The following CEACAM3 variants were observed in gnomAD, a reference collection of about 807,000 sequenced individuals.
The protein encoded by CEACAM3 is CEA cell adhesion molecule 3.
Under a neutral mutation model 30.1 loss-of-function variants are expected in CEACAM3, and 32 were observed. That is an observed-to-expected ratio of 1.06 (90% CI 0.80 to 1.43). The LOEUF (loss-of-function observed/expected upper bound fraction) is 1.43, where lower values mean the gene tolerates loss of function less well. Among genes scored for constraint, CEACAM3 ranks in the 40% most tolerant of loss-of-function variants. The pLI is 0.00. For missense variants in CEACAM3, 290 were observed against 316.3 expected, an observed-to-expected ratio of 0.92 and a Z score of 0.63; for synonymous variants, 134 against 127.2, an observed-to-expected ratio of 1.05 and a Z score of -0.36.
At chr19:41,803,418 G>T (rs2073167951) in intron 2 of CEACAM3, among the ~76,000 whole-genome samples, 1 of 136,700 alleles carries the variant, frequency 7.3e-6, no homozygotes, top group Non-Finnish European at 1.6e-5. Flanking sequence ...GCAAAGTTTT[G>T]TGTGTGTATG....
chr19:41,807,230 G>T (rs782724816), intron 2 of CEACAM3: 6 of 1,609,394 alleles, frequency 3.7e-6, no homozygotes, highest in Non-Finnish European at 5.1e-6. Context: ...GTGGGTAAAT[G>T]GTCAGAGCCT....
At chr19:41,797,528 G>T in intron 1 of CEACAM3, 61 bp from the exon 2 acceptor site, 1 of 1,561,234 alleles carries the variant, frequency 6.4e-7, no homozygotes, top group Non-Finnish European at 8.7e-7. Flanking sequence ...AGGACCCAGG[G>T]CCCCATCTTT....
chr19:41,800,680 G>A (rs965179043), intron 2 of CEACAM3, among the ~76,000 whole-genome samples: 3 of 152,058 alleles, frequency 2.0e-5, no homozygotes, highest in Non-Finnish European at 2.9e-5. Context: ...CTTTCTCTTT[G>A]TCTCCTCTCT....
At chr19:41,799,005 C>A (rs1299755904) in intron 2 of CEACAM3, among the ~76,000 whole-genome samples, 2 of 152,248 alleles carry the variant, frequency 1.3e-5, no homozygotes, top group Non-Finnish European at 2.9e-5. Context: ...TAGACATCTG[C>A]AGGCCTGAGA....
chr19:41,807,295 C>A, intron 2 of CEACAM3: 1 of 1,608,524 alleles, frequency 6.2e-7, no homozygotes, highest in South Asian at 1.1e-5. Flanking sequence ...TCACTCTACT[C>A]AGTGTCACAA....
intron 1 of CEACAM3, 53 bp downstream of exon 1, chr19:41,796,794 T>G: frequency 6.4e-7 from 1 of 1,557,580 alleles, no homozygotes; most frequent in Non-Finnish European, 8.7e-7. Flanking sequence ...AGAGAATGGC[T>G]GGGGTCTCCT....
intron 3 of CEACAM3, 85 bp downstream of exon 3, chr19:41,809,015 C>G: frequency 1.0e-6 from 1 of 978,632 alleles, no homozygotes; most frequent in Non-Finnish European, 1.5e-6. Flanking sequence ...GTATTCAGGG[C>G]CAGGCTCTCC....
intron 3 of CEACAM3, 37 bp from the exon 4 acceptor site, chr19:41,809,928 A>C: frequency 6.2e-7 from 1 of 1,611,832 alleles, no homozygotes; most frequent in Non-Finnish European, 8.5e-7. Context: ...GTGGCTTTTA[A>C]CCTGGCACCC....
chr19:41,811,035 G>A, intron 6 of CEACAM3, 137 bp from the exon 7 acceptor site: 2 of 1,254,138 alleles, frequency 1.6e-6, no homozygotes, highest in Non-Finnish European at 2.3e-6. Flanking sequence ...GAGGAGGGAG[G>A]GGCTTGGGAG....
In CEACAM3 at chr19:41,811,458, A is replaced by T; in HGVS notation, c.*221A>T. On this transcript the variant is annotated 3_prime_UTR_variant, in exon 7 of 7. Transcript: ENST00000357396. ...TGGGTCAGGACAAAGGCCTCTCATC[A>T]CCGCAGAAAGCGGGGGCTTGCAGGG... The T allele has an allele frequency of 1.9e-6, 1 of 533,866 alleles. No individual in the cohort carries two copies. Among genetic ancestry groups the T allele is most frequent in the Non-Finnish European group, 3.4e-6 (1 of 294,944 alleles). 33.1% of individuals were successfully genotyped at this position (533,866 alleles called of 1,614,324 possible).
At position 41,808,884 on chromosome 19, in the gene CEACAM3, C is replaced by A; in HGVS notation, c.496C>A (p.Leu166Met). ...GACCGGGGTCCTGGTCGGAGTGGCG[C>A]TGGTGGCCGCGCTGGTGTGTTTCCT... ...IVTGVLVGVA[L>M]VAALVCFLLL... is the part of the protein sequence containing the mutation. The change falls in exon 3 of 7, where the codon CTG (leucine) becomes ATG (methionine). Residue 166 changes from leucine to methionine, a missense_variant. Coordinates refer to ENST00000357396, the MANE Select transcript of CEACAM3 (RefSeq NM_001815.5). 6.2e-7 allele frequency: 1 copy of A among 1,608,898 alleles called. No individual in the cohort carries two copies.
rs1200645851 is a variant in CEACAM3 at position 41,811,010 on chromosome 19, C to T, written c.693+113C>T. 50 of 1,280,390 alleles carry T rather than the reference C, an allele frequency of 3.9e-5. No homozygotes were observed. The East Asian group carries it at 5.2e-4, about 13-fold the overall frequency. 79.3% of individuals were successfully genotyped at this position (1,280,390 alleles called of 1,614,324 possible). A position where few individuals can be genotyped will look rare whatever the true frequency, so the allele number is the denominator to read the frequency against. On this transcript the variant is annotated intron_variant, in intron 6 of 6. Transcript: ENST00000357396. ...CAGGAAACTGCTGTGAAAATAAGAA[C>T]GGGGGTGGCGAGCAGAGGAGGGAGG...
At chr19:41,809,933 G>A in intron 3 of CEACAM3, 32 bp from the exon 4 acceptor site, 1 of 1,612,216 alleles carries the variant, frequency 6.2e-7, no homozygotes, top group Non-Finnish European at 8.5e-7. Flanking sequence ...TTTTAACCTG[G>A]CACCCTCCCA....
At chr19:41,798,915 G>A (rs1442354156) in intron 2 of CEACAM3, among the ~76,000 whole-genome samples, 3 of 152,172 alleles carry the variant, frequency 2.0e-5, no homozygotes, top group Non-Finnish European at 4.4e-5. Context: ...ACAAGTCAAA[G>A]GTGTCAGATT....
chr19:41,803,471 T>TTTTTTTTG (rs1555826268), intron 2 of CEACAM3, among the ~76,000 whole-genome samples: 4 of 115,022 alleles, frequency 3.5e-5, no homozygotes, highest in South Asian at 3.0e-4. Flanking sequence ...GTTTTGTTTG[T>TTTTTTTTG]TTTTTTTTTT....
intron 1 of CEACAM3, 22 bp from the exon 2 acceptor site, chr19:41,797,567 A>G: frequency 6.2e-7 from 1 of 1,603,042 alleles, no homozygotes; most frequent in Non-Finnish European, 8.5e-7. Context: ...CCCAATATTG[A>G]CTGATGCTTT....
chr19:41,810,506 C>G, intron 5 of CEACAM3, 152 bp downstream of exon 5: 1 of 971,648 alleles, frequency 1.0e-6, no homozygotes, highest in East Asian at 2.6e-5. Flanking sequence ...GGAGCTGGGC[C>G]TCCCTACAGG....
At chr19:41,811,027 G>A in intron 6 of CEACAM3, 130 bp downstream of exon 6, 1 of 1,255,742 alleles carries the variant, frequency 8.0e-7, no homozygotes, top group Admixed American at 2.1e-5. Context: ...GGCGAGCAGA[G>A]GAGGGAGGGG....
chr19:41,798,718 C>T (rs2073123760), intron 2 of CEACAM3, among the ~76,000 whole-genome samples: 1 of 152,212 alleles, frequency 6.6e-6, no homozygotes, highest in Non-Finnish European at 1.5e-5. Context: ...ACTCAGGGAC[C>T]TCTCTTTTGG....
Sources: gnomAD v4.1 joint callset for allele counts (sites outside exome capture counted in the v4.1 genomes callset) on GRCh38, gnomAD v4.1.1 for gene constraint, MANE v1.5 for transcripts, NCBI Gene and HGNC (gene_info 2026-07-23, HGNC 2026-07-21) for gene names.